PTK7: variants seen among roughly 807,000 people sequenced by gnomAD.
PTK7 encodes protein tyrosine kinase 7 (inactive).
In PTK7, 39 loss-of-function variants were observed where a neutral mutation model predicts 116.6. That is an observed-to-expected ratio of 0.33 (90% CI 0.26 to 0.44). The LOEUF is 0.44. PTK7 is among the 20% of genes least tolerant of loss of function. The probability of loss-of-function intolerance (pLI) is 1.00; values close to 1 mark genes in which losing one functional copy is unlikely to be tolerated. For missense variants in PTK7, 1,169 were observed against 1,425.6 expected (o/e 0.82, Z 2.90); for synonymous variants, 546 against 563.6 (o/e 0.97, Z 0.44).
intron 1 of PTK7, among the ~76,000 whole-genome samples, chr6:43,113,236 G>A (rs1026753005): frequency 9.2e-5 from 14 of 151,932 alleles, no homozygotes; most frequent in African/African-American, 3.1e-4. Context: ...GTTTGAGTTC[G>A]AGCCTAGCCA....
At chr6:43,086,804 C>T (rs1766682860) in intron 1 of PTK7, among the ~76,000 whole-genome samples, 1 of 152,088 alleles carries the variant, frequency 6.6e-6, no homozygotes, top group African/African-American at 2.4e-5. Flanking sequence ...GTGATTGCAC[C>T]ACTGCACTCC....
chr6:43,146,295 T>A (rs1770719954), intron 16 of PTK7: 1 of 209,836 alleles, frequency 4.8e-6, no homozygotes, highest in African/African-American at 2.3e-5. Flanking sequence ...TCAGGAATCT[T>A]TGAGGGCAGA....
At chr6:43,094,487 A>T (rs1185157029) in intron 1 of PTK7, among the ~76,000 whole-genome samples, 1 of 148,194 alleles carries the variant, frequency 6.7e-6, no homozygotes, top group Non-Finnish European at 1.5e-5. Context: ...TTTTTTTGAG[A>T]CGGAGTCCGT....
rs115102035 is a variant in PTK7 at position 43,138,404 on chromosome 6, G to A, written c.1229-445G>A. 530 of 153,732 alleles carry A rather than the reference G, an allele frequency of 3.4e-3. 1 individual carries two copies. The highest frequency in any genetic ancestry group is 5.8e-3 in the Non-Finnish European group (400 of 69,094). The allele number at this position is 153,732 out of a possible 1,614,324, so 9.5% of individuals were successfully genotyped here. On this transcript the variant is annotated intron_variant, in intron 7 of 19. Coordinates refer to ENST00000230419, the MANE Select transcript of PTK7 (RefSeq NM_002821.5). ...GTTCAAAAGGTGCTGGTGGCCGGGCGTGGTGGCTCATGCCTGTAATCTTAG... is the reference window on the plus strand; with the variant it reads ...GTTCAAAAGGTGCTGGTGGCCGGGCATGGTGGCTCATGCCTGTAATCTTAG...
chr6:43,152,824 C>T (rs1280152809), intron 17 of PTK7, among the ~76,000 whole-genome samples: 10 of 151,830 alleles, frequency 6.6e-5, no homozygotes, highest in Admixed American at 5.9e-4. Context: ...CTTACCCTGT[C>T]GACCAGGCTG....
At chr6:43,154,360 A>C (rs968600694) in intron 17 of PTK7, among the ~76,000 whole-genome samples, 1 of 152,150 alleles carries the variant, frequency 6.6e-6, no homozygotes, top group African/African-American at 2.4e-5. Context: ...ATTAAATTTA[A>C]ATAGCCACAT....
intron 17 of PTK7, among the ~76,000 whole-genome samples, chr6:43,155,462 G>A (rs1402437626): frequency 1.3e-5 from 2 of 152,044 alleles, no homozygotes; most frequent in Non-Finnish European, 2.9e-5. Flanking sequence ...CCAACATGGT[G>A]AAACTTCGTT....
In PTK7 at chr6:43,161,428, C is replaced by T. The variant is rs1243800179; in HGVS notation, c.*547C>T. ...ACACTGACCCAGACCCACGTCTTCC[C>T]CACCCTTCTCTCCTTTCCTCATCCT... On this transcript the variant is annotated 3_prime_UTR_variant, in exon 20 of 20. Coordinates refer to ENST00000230419, the MANE Select transcript of PTK7 (RefSeq NM_002821.5). 6.5e-6 allele frequency: 1 copy of T among 153,088 alleles called. No individual in the cohort carries two copies. The highest frequency in any genetic ancestry group is 2.4e-5 in the African/African-American group (1 of 41,450). The allele number at this position is 153,088 out of a possible 1,614,324, so 9.5% of individuals were successfully genotyped here.
intron 7 of PTK7, 37 bp from the exon 8 acceptor site, chr6:43,138,812 T>A (rs1770201798): frequency 6.4e-7 from 1 of 1,570,894 alleles, no homozygotes; most frequent in Middle Eastern, 1.7e-4. Context: ...TGGAGACCTG[T>A]GAAGCAGCCT....
intron 7 of PTK7, among the ~76,000 whole-genome samples, chr6:43,137,426 T>G (rs1181964053): frequency 6.6e-6 from 1 of 152,198 alleles, no homozygotes; most frequent in Non-Finnish European, 1.5e-5. Context: ...TTGGCTTTCT[T>G]AACTGACTAG....
intron 7 of PTK7, among the ~76,000 whole-genome samples, chr6:43,137,617 G>A (rs1770116265): frequency 6.6e-6 from 1 of 152,202 alleles, no homozygotes; most frequent in African/African-American, 2.4e-5. Context: ...ATGTTGTATT[G>A]AAGGTTGTGG....
rs575637631 is a variant in PTK7 at position 43,138,156 on chromosome 6, T to C, written c.1229-693T>C. ...GTTTTCTTAGCTGTAAAGTGCGTGT[T>C]GGAATACATACCTTGGGGGGTTTGT... On this transcript the variant is annotated intron_variant, in intron 7 of 19. Coordinates refer to ENST00000230419, the MANE Select transcript of PTK7 (RefSeq NM_002821.5). Among the ~76,000 whole-genome samples, 3 of 147,000 alleles carry C rather than the reference T, an allele frequency of 2.0e-5. No individual in the cohort carries two copies. The South Asian group carries it at 6.5e-4, about 32-fold the overall frequency.
chr6:43,085,809 C>T (rs993763740), intron 1 of PTK7, among the ~76,000 whole-genome samples: 42 of 151,566 alleles, frequency 2.8e-4, no homozygotes, highest in Non-Finnish European at 4.1e-4. Context: ...GGCGCATGCC[C>T]GTAATCCCAG....
chr6:43,077,567 G>T (rs1280465501), intron 1 of PTK7, among the ~76,000 whole-genome samples: 1 of 152,082 alleles, frequency 6.6e-6, no homozygotes, highest in Non-Finnish European at 1.5e-5. Context: ...TGCCTTACAG[G>T]AAAGCACCAA....
chr6:43,094,067 A>G (rs1767103104), intron 1 of PTK7, among the ~76,000 whole-genome samples: 2 of 152,342 alleles, frequency 1.3e-5, no homozygotes, highest in South Asian at 2.1e-4. Context: ...AACCATTCAG[A>G]GGCTGGAGTA....
Position 43,141,771 on chromosome 6 carries a change from C to T in PTK7, c.1722C>T (p.Asn574=), listed in dbSNP as rs760857931. The change falls in exon 11 of 20, where the codon AAC becomes AAT. Residue 574 remains asparagine, a synonymous_variant. Coordinates refer to ENST00000230419, the MANE Select transcript of PTK7 (RefSeq NM_002821.5). The surrounding 1 kb of genome is among the most constrained non-coding windows in gnomAD (Gnocchi z 4.9). ...DAGNYTCIAS[N]GPQGQIRAHV... ...GCAACTACACTTGCATTGCCTCCAA[C>T]GGGCCGCAGGGCCAGATTCGTGCCC... 5.3e-5 allele frequency: 86 copies of T among 1,613,994 alleles called. 1 individual carries two copies. Among genetic ancestry groups the T allele is most frequent in the East Asian group, 2.9e-4 (13 of 44,882 alleles).
At chr6:43,089,793 A>G (rs1374611958) in intron 1 of PTK7, among the ~76,000 whole-genome samples, 1 of 152,044 alleles carries the variant, frequency 6.6e-6, no homozygotes, top group East Asian at 1.9e-4. Flanking sequence ...TCTCTCTCCT[A>G]TCCCCCCTCC....
chr6:43,157,363 T>A lies in PTK7; in HGVS notation c.2722-1454T>A, dbSNP rs1265335112. On this transcript the variant is annotated intron_variant, in intron 17 of 19. Transcript: ENST00000230419. ...ATATATATATATATATATATATATA[T>A]ATTTTTTTTTTTCTTTTTTTTTTTT... 1.6e-3 allele frequency among the ~76,000 whole-genome samples: 56 copies of A among 36,040 alleles called. 2 individuals are homozygous for A. Among genetic ancestry groups the A allele is most frequent in the African/African-American group, 7.2e-3 (44 of 6,116 alleles). The allele number at this position is 36,040 out of a possible 152,430, so 23.6% of individuals were successfully genotyped here.
At chr6:43,153,676 G>A (rs1033889816) in intron 17 of PTK7, among the ~76,000 whole-genome samples, 4 of 151,832 alleles carry the variant, frequency 2.6e-5, no homozygotes, top group African/African-American at 4.8e-5. Flanking sequence ...TTCTTAAACC[G>A]CTGGAATTAC....
Sources: allele counts gnomAD v4.1 joint callset (sites outside exome capture counted in the v4.1 genomes callset), GRCh38; gene constraint gnomAD v4.1.1; non-coding constraint Gnocchi (gnomAD v3.1); transcripts MANE v1.5; gene names NCBI Gene and HGNC (gene_info 2026-07-23, HGNC 2026-07-21).